The following ADCY1 variants were observed in gnomAD, a reference collection of about 807,000 sequenced individuals.
The protein encoded by ADCY1 is adenylate cyclase type 1.
Under a neutral mutation model 105.4 loss-of-function variants are expected in ADCY1, and 28 were observed. The observed-to-expected ratio is 0.27, with a 90% confidence interval of 0.20 to 0.36. ADCY1 has a LOEUF of 0.36. Among genes scored for constraint, ADCY1 ranks in the 10% least tolerant of loss-of-function variants. The probability of loss-of-function intolerance (pLI) is 1.00; values close to 1 mark genes in which losing one functional copy is unlikely to be tolerated. For synonymous variants in ADCY1, 655 were observed against 623.8 expected, an observed-to-expected ratio of 1.05 and a Z score of -0.75; for missense variants, 977 against 1,434.2, an observed-to-expected ratio of 0.68 and a Z score of 5.15.
chr7:45,688,311 G>A (rs746887073), intron 14 of ADCY1, among the ~76,000 whole-genome samples: 5 of 152,188 alleles, frequency 3.3e-5, no homozygotes, highest in Admixed American at 1.3e-4. Context: ...TCCTGATGTC[G>A]TTGGCCACGG....
At chr7:45,693,275 G>T (rs1366006314) in intron 14 of ADCY1, among the ~76,000 whole-genome samples, 2 of 149,562 alleles carry the variant, frequency 1.3e-5, no homozygotes, top group Non-Finnish European at 3.0e-5. Context: ...TGTTCATCAA[G>T]GATATTGGTC....
chr7:45,669,167 G>T (rs867258773), intron 8 of ADCY1, among the ~76,000 whole-genome samples: 5 of 152,076 alleles, frequency 3.3e-5, no homozygotes, highest in Non-Finnish European at 5.9e-5. Context: ...CTTGGCTTCC[G>T]CTAGCTTTTG....
At chr7:45,659,962 C>G (rs771998575) in intron 6 of ADCY1, 80 bp from the exon 7 acceptor site, 71 of 1,557,752 alleles carry the variant, frequency 4.6e-5, no homozygotes, top group Non-Finnish European at 6.1e-5. Flanking sequence ...TGTCTGTGCC[C>G]CTTCCCCTCT....
intron 4 of ADCY1, among the ~76,000 whole-genome samples, chr7:45,644,090 TG>T (rs1429545209): frequency 6.6e-6 from 1 of 152,230 alleles, no homozygotes; most frequent in Non-Finnish European, 1.5e-5. Flanking sequence ...TTGGCCAGTT[TG>T]GGTTTTGGAT....
chr7:45,723,073 A>AAT lies in ADCY1; in HGVS notation c.*9079_*9080dup, dbSNP rs1785506985. On this transcript the variant is annotated 3_prime_UTR_variant, in exon 20 of 20. Transcript: ENST00000297323. ...TGAGTGTTTGCACTATACTTTCTGGAATCTTATTTAACAAAAATAAAGGGA... is the reference window on the plus strand; with the variant it reads ...TGAGTGTTTGCACTATACTTTCTGGAATATCTTATTTAACAAAAATAAAGGGA... The AAT allele has an allele frequency of 6.7e-6, 1 of 148,850 alleles. No individual in the cohort carries two copies. Among genetic ancestry groups the AAT allele is most frequent in the Admixed American group, 6.7e-5 (1 of 14,926 alleles). The allele number at this position is 148,850 out of a possible 1,614,324, so 9.2% of individuals were successfully genotyped here.
Position 45,685,993 on chromosome 7 carries a change from A to G in ADCY1, c.2105A>G (p.Lys702Arg), listed in dbSNP as rs1584331023. 1 of 1,613,910 alleles carries G rather than the reference A, an allele frequency of 6.2e-7. No individual in the cohort carries two copies. Among genetic ancestry groups the G allele is most frequent in the African/African-American group, 1.3e-5 (1 of 75,016 alleles). ...TGCCTGCCTTGGGCCTGGAGCTCCA[A>G]GCCCAACAGTTCCCTGGTGGTCCTT... ...VGCLPWAWSSKPNSSLVVLSS... is the reference protein window; with the variant it reads ...VGCLPWAWSSRPNSSLVVLSS... Residue 702 changes from lysine to arginine, a missense_variant, in exon 13 of 20, where the codon AAG becomes AGG. Lys to Arg is a conservative substitution (Grantham distance 26, BLOSUM62 2). This residue lies in a region of ADCY1 where 275 missense variants were observed against 362.1 expected (regional missense o/e 0.76). Transcript: ENST00000297323.
At chr7:45,689,639 G>A (rs924269743) in intron 14 of ADCY1, among the ~76,000 whole-genome samples, 1 of 152,110 alleles carries the variant, frequency 6.6e-6, no homozygotes, top group Non-Finnish European at 1.5e-5. Context: ...TCCAACACTA[G>A]GATTACATTT....
At chr7:45,588,483 A>G (rs1300012743) in intron 1 of ADCY1, among the ~76,000 whole-genome samples, 2 of 152,210 alleles carry the variant, frequency 1.3e-5, no homozygotes, top group Non-Finnish European at 2.9e-5. Context: ...GCTAGAACAT[A>G]TATGTGCACA....
At chr7:45,606,284 G>T (rs1793371320) in intron 2 of ADCY1, among the ~76,000 whole-genome samples, 1 of 152,088 alleles carries the variant, frequency 6.6e-6, no homozygotes. Flanking sequence ...CTGGGGTGGG[G>T]GTGGAGGTCT....
chr7:45,711,834 CAAT>C (rs1739898275), intron 19 of ADCY1, among the ~76,000 whole-genome samples: 1 of 124,342 alleles, frequency 8.0e-6, no homozygotes, highest in Admixed American at 8.8e-5. Flanking sequence ...TTAAAATATA[CAAT>C]ATTTAAATAT....
intron 8 of ADCY1, 53 bp from the exon 9 acceptor site, chr7:45,677,816 C>G (rs1177421748): frequency 1.9e-6 from 3 of 1,571,976 alleles, no homozygotes; most frequent in Non-Finnish European, 2.6e-6. Context: ...AGGTGCTTTT[C>G]TTCAATAAGT....
chr7:45,658,909 T>C (rs1795015632), intron 6 of ADCY1, among the ~76,000 whole-genome samples: 1 of 152,198 alleles, frequency 6.6e-6, no homozygotes, highest in Non-Finnish European at 1.5e-5. Flanking sequence ...CAATGGGAGC[T>C]GCTGATGGGG....
At position 45,574,590 on chromosome 7, in the gene ADCY1, G is replaced by T; in HGVS notation, c.47G>T (p.Gly16Val). 9.5e-7 allele frequency: 1 copy of T among 1,054,804 alleles called. No individual in the cohort carries two copies. The highest frequency in any genetic ancestry group is 1.1e-6 in the Non-Finnish European group (1 of 876,768). The allele number at this position is 1,054,804 out of a possible 1,614,324, so 65.3% of individuals were successfully genotyped here. A position where few individuals can be genotyped will look rare whatever the true frequency, so the allele number is the denominator to read the frequency against. ...RGGGGGGGGA[G>V]EPGGAERAAG... ...GGAGGCGGCGGCGGAGGCGGCGCGG[G>T]CGAGCCCGGGGGCGCCGAGCGGGCG... The change falls in exon 1 of 20, where the codon GGC becomes GTC. Residue 16 changes from glycine to valine, a missense_variant. Around this residue, in one of 7 missense-constraint regions of ADCY1, gnomAD observed 209 missense variants for 222.5 expected, o/e 0.94. Coordinates refer to ENST00000297323, the MANE Select transcript of ADCY1 (RefSeq NM_021116.4). The surrounding 1 kb of genome is among the most constrained non-coding windows in gnomAD (Gnocchi z 7.0).
chr7:45,664,115 G>A (rs574626840), intron 8 of ADCY1, among the ~76,000 whole-genome samples: 1 of 152,312 alleles, frequency 6.6e-6, no homozygotes, highest in South Asian at 2.1e-4. Context: ...TGGAGGGTGA[G>A]GAACCTGATC....
chr7:45,591,252 C>A lies in ADCY1; in HGVS notation c.640-1507C>A, dbSNP rs1034446157. On this transcript the variant is annotated intron_variant, in intron 1 of 19. Transcript: ENST00000297323. This position sits in a 1 kb window ranked among gnomAD's most constrained non-coding sequence, Gnocchi z 4.1. The stretch of plus-strand genomic sequence containing the variant: ...CCTACCTGCTCCTCAGCCCCAGCAT[C>A]CAGTAGGTGGCCAGGAGCTGCCAGG... Among the ~76,000 whole-genome samples, 1 of 152,162 alleles carries A rather than the reference C, an allele frequency of 6.6e-6. No homozygotes were observed. The highest frequency in any genetic ancestry group is 1.5e-5 in the Non-Finnish European group (1 of 68,034).
intron 14 of ADCY1, among the ~76,000 whole-genome samples, chr7:45,702,623 C>T (rs1450138897): frequency 6.6e-6 from 1 of 152,228 alleles, no homozygotes; most frequent in African/African-American, 2.4e-5. Context: ...CTGGGTCCTG[C>T]CAAGAGCACT....
intron 4 of ADCY1, among the ~76,000 whole-genome samples, chr7:45,627,941 G>A: frequency 6.6e-6 from 1 of 152,112 alleles, no homozygotes; most frequent in Non-Finnish European, 1.5e-5. Flanking sequence ...AGGATACCAA[G>A]CTCCCCAAGA....
In ADCY1 at chr7:45,685,031, T is replaced by C. The variant is rs963638155; in HGVS notation, c.2036T>C (p.Ile679Thr). 2 of 1,614,128 alleles carry C rather than the reference T, an allele frequency of 1.2e-6. No homozygotes were observed. The highest frequency in any genetic ancestry group is 2.2e-5 in the East Asian group (1 of 44,898). Residue 679 changes from isoleucine (I) to threonine (T), a missense_variant, in exon 12 of 20, where the codon ATA becomes ACA. Transcript: ENST00000297323. ...IQIRTVLCIF[I>T]VVLIYSVAQG... ...ATTCGCACTGTCCTGTGTATTTTCA[T>C]AGTGGTCTTAATCTACTCAGTAGCC...
At chr7:45,623,595 T>C (rs374160765) in intron 4 of ADCY1, among the ~76,000 whole-genome samples, 10 of 152,190 alleles carry the variant, frequency 6.6e-5, no homozygotes, top group Admixed American at 2.6e-4. Context: ...CTACCCCTCG[T>C]TTTCCTCCGC....
Sources: gnomAD v4.1 joint callset for allele counts (sites outside exome capture counted in the v4.1 genomes callset) on GRCh38, gnomAD v4.1.1 for gene constraint, gnomAD v4.1.1 regional missense constraint, Gnocchi (gnomAD v3.1) non-coding constraint, MANE v1.5 for transcripts, NCBI Gene and HGNC (gene_info 2026-07-23, HGNC 2026-07-21) for gene names.